ZFAT: variants seen among roughly 807,000 people sequenced by gnomAD.
ZFAT encodes the protein zinc finger protein ZFAT.
A neutral mutation model predicts 117.7 loss-of-function variants in ZFAT; 64 were observed. That is an observed-to-expected ratio of 0.54 (90% CI 0.44 to 0.67). ZFAT has a LOEUF of 0.67. ZFAT is among the 30% of genes least tolerant of loss of function. The pLI, the probability that ZFAT is intolerant of heterozygous loss-of-function variation, is 0.00. For synonymous variants in ZFAT, 679 were observed against 615.0 expected (o/e 1.10, Z -1.54); for missense variants, 1,433 against 1,584.5 (o/e 0.90, Z 1.62).
At chr8:134,548,082 A>G (rs1211649384) in intron 11 of ZFAT, among the ~76,000 whole-genome samples, 2 of 152,186 alleles carry the variant, frequency 1.3e-5, no homozygotes, top group African/African-American at 2.4e-5. Context: ...TCAGAGTCCT[A>G]CTTCCACCTG....
chr8:134,499,941 T>C (rs1818846349), intron 15 of ZFAT, among the ~76,000 whole-genome samples: 1 of 152,166 alleles, frequency 6.6e-6, no homozygotes, highest in African/African-American at 2.4e-5. Context: ...AGGGGGACAC[T>C]AAGAGTTCTT....
intron 12 of ZFAT, among the ~76,000 whole-genome samples, chr8:134,521,952 A>G (rs549358431): frequency 2.0e-5 from 3 of 152,218 alleles, no homozygotes; most frequent in East Asian, 3.9e-4. Context: ...CCTAGTCGCA[A>G]ACTCTGGCTT....
At chr8:134,742,292 C>T in the ZFAT span, among the ~76,000 whole-genome samples, 1 of 152,114 alleles carries the variant, frequency 6.6e-6, no homozygotes, top group Admixed American at 6.5e-5. Flanking sequence ...TTATATCAAG[C>T]TTTATTTTTA....
At chr8:134,806,877 T>C in the ZFAT span, among the ~76,000 whole-genome samples, 4 of 152,212 alleles carry the variant, frequency 2.6e-5, no homozygotes, top group Non-Finnish European at 5.9e-5. Context: ...ACACAATCTT[T>C]GTAATAATAC....
chr8:134,525,248 A>C (rs984498880), intron 12 of ZFAT, among the ~76,000 whole-genome samples: 1 of 152,168 alleles, frequency 6.6e-6, no homozygotes, highest in Non-Finnish European at 1.5e-5. Context: ...GTGGAGTCCT[A>C]AAGCCTCACA....
At chr8:134,551,618 T>C (rs1233775897) in intron 11 of ZFAT, among the ~76,000 whole-genome samples, 1 of 152,202 alleles carries the variant, frequency 6.6e-6, no homozygotes, top group Non-Finnish European at 1.5e-5. Flanking sequence ...CTTTGAACTA[T>C]TTATAAATGT....
intron 3 of ZFAT, among the ~76,000 whole-genome samples, chr8:134,615,493 G>A (rs1828653289): frequency 6.6e-6 from 1 of 152,082 alleles, no homozygotes; most frequent in South Asian, 2.1e-4. Context: ...CTGGCCCATG[G>A]CAACATCTTG....
At chr8:134,710,243 A>G (rs1813939213) in intron 1 of ZFAT, among the ~76,000 whole-genome samples, 1 of 152,250 alleles carries the variant, frequency 6.6e-6, no homozygotes, top group Non-Finnish European at 1.5e-5. Context: ...GTCAAACTCT[A>G]ACAAAATGGA....
At chr8:134,696,589 G>T in intron 1 of ZFAT, 1 of 986,362 alleles carries the variant, frequency 1.0e-6, no homozygotes, top group Non-Finnish European at 1.2e-6. Context: ...AGTTATCCCT[G>T]GCTGGCACCA....
chr8:134,827,726 C>T, the ZFAT span, among the ~76,000 whole-genome samples: 1 of 150,420 alleles, frequency 6.6e-6, no homozygotes, highest in South Asian at 2.1e-4. Context: ...CAAAATCGCG[C>T]CACTGCACTC....
At chr8:134,502,897 G>A (rs751410027) in intron 15 of ZFAT, among the ~76,000 whole-genome samples, 1 of 152,224 alleles carries the variant, frequency 6.6e-6, no homozygotes, top group Non-Finnish European at 1.5e-5. Flanking sequence ...AGCACACAGT[G>A]TGGAAGCATC....
At chr8:134,583,375 C>G (rs1017754062) in intron 10 of ZFAT, among the ~76,000 whole-genome samples, 1 of 152,102 alleles carries the variant, frequency 6.6e-6, no homozygotes. Context: ...TCAAATCTGC[C>G]CAAATGTTGG....
chr8:134,514,796 C>T (rs1056631303), intron 13 of ZFAT, among the ~76,000 whole-genome samples: 1 of 152,192 alleles, frequency 6.6e-6, no homozygotes, highest in Non-Finnish European at 1.5e-5. Context: ...CAGCAATTAT[C>T]AATCATGGCA....
At chr8:134,539,856 G>A (rs149205332) in intron 11 of ZFAT, among the ~76,000 whole-genome samples, 7 of 152,130 alleles carry the variant, frequency 4.6e-5, no homozygotes, top group Non-Finnish European at 7.4e-5. Context: ...TGAACCAGGC[G>A]CAGGAGAAGA....
chr8:134,521,837 C>G (rs987547600), intron 12 of ZFAT, among the ~76,000 whole-genome samples: 1 of 152,210 alleles, frequency 6.6e-6, no homozygotes, highest in Non-Finnish European at 1.5e-5. Context: ...CTGGCACCAC[C>G]GGGCCGCCAC....
At chr8:134,774,017 C>T in the ZFAT span, among the ~76,000 whole-genome samples, 79 of 81,906 alleles carry the variant, frequency 9.6e-4, no homozygotes, top group East Asian at 0.011. Context: ...TTTTTTGAGA[C>T]GGCATTTCAC....
At chr8:134,701,582 C>T (rs774066899) in intron 1 of ZFAT, among the ~76,000 whole-genome samples, 8 of 152,166 alleles carry the variant, frequency 5.3e-5, no homozygotes, top group Non-Finnish European at 7.3e-5. Flanking sequence ...TGAGAGATTT[C>T]CATACTGTTT....
chr8:134,817,437 A>ACAC, the ZFAT span, among the ~76,000 whole-genome samples: 107 of 84,004 alleles, frequency 1.3e-3, no homozygotes, highest in Middle Eastern at 9.8e-3. Context: ...ACACACACAC[A>ACAC]ACGCACCCTT....
In ZFAT at chr8:134,478,772, A is replaced by G; in HGVS notation, c.3493-51T>C. On this transcript the variant is annotated intron_variant, in intron 15 of 15. Transcript: ENST00000377838. The surrounding 1 kb of genome is among the most constrained non-coding windows in gnomAD (Gnocchi z 5.2). ...TCACCCAGCGCCTACTTCCCGGTCC[A>G]GCGTAACAACAAAGTCACAACTACA... is the stretch of plus-strand genomic sequence containing the variant. 6.6e-7 allele frequency: 1 copy of G among 1,523,842 alleles called. No homozygotes were observed. The highest frequency in any genetic ancestry group is 8.8e-7 in the Non-Finnish European group (1 of 1,134,684). The allele number at this position is 1,523,842 out of a possible 1,614,324, so 94.4% of individuals were successfully genotyped here. A position where few individuals can be genotyped will look rare whatever the true frequency, so the allele number is the denominator to read the frequency against.
Sources: allele counts gnomAD v4.1 joint callset (sites outside exome capture counted in the v4.1 genomes callset), GRCh38; gene constraint gnomAD v4.1.1; non-coding constraint Gnocchi (gnomAD v3.1); transcripts MANE v1.5; gene names NCBI Gene and HGNC (gene_info 2026-07-23, HGNC 2026-07-21).